WDR7: variants seen among roughly 807,000 people sequenced by gnomAD.
WDR7 encodes WD repeat domain 7.
A neutral mutation model predicts 169.4 loss-of-function variants in WDR7; 46 were observed. That is an observed-to-expected ratio of 0.27 (90% CI 0.21 to 0.35). The LOEUF is 0.35. WDR7 is among the 10% of genes least tolerant of loss of function. The pLI is 1.00. For missense variants in WDR7, 1,534 were observed against 1,859.3 expected (o/e 0.83, Z 3.22); for synonymous variants, 612 against 666.8 (o/e 0.92, Z 1.27).
At chr18:56,730,137 T>C (rs916000137) in intron 13 of WDR7, among the ~76,000 whole-genome samples, 2 of 152,240 alleles carry the variant, frequency 1.3e-5, no homozygotes, top group Non-Finnish European at 2.9e-5. Flanking sequence ...CTGGGCACTG[T>C]TCAGTGTACC....
intron 16 of WDR7, among the ~76,000 whole-genome samples, chr18:56,762,722 A>C (rs867227334): frequency 6.6e-6 from 1 of 152,066 alleles, no homozygotes; most frequent in African/African-American, 2.4e-5. Flanking sequence ...TATCCTTTCT[A>C]GTGCATATTT....
intron 20 of WDR7, among the ~76,000 whole-genome samples, chr18:56,864,702 A>G: frequency 6.6e-6 from 1 of 151,886 alleles, no homozygotes; most frequent in Middle Eastern, 3.2e-3. Flanking sequence ...AGGGTCCATT[A>G]TAGTAGATAT....
chr18:56,743,505 A>G (rs916040708), intron 14 of WDR7, among the ~76,000 whole-genome samples: 2 of 152,158 alleles, frequency 1.3e-5, no homozygotes, highest in African/African-American at 4.8e-5. Flanking sequence ...CAGAGTAGAG[A>G]GTAATCACTT....
At chr18:56,859,626 C>T (rs2045774116) in intron 20 of WDR7, among the ~76,000 whole-genome samples, 1 of 152,124 alleles carries the variant, frequency 6.6e-6, no homozygotes, top group Admixed American at 6.6e-5. Flanking sequence ...TGCCTTCCCA[C>T]CCATTTTGAA....
intron 9 of WDR7, among the ~76,000 whole-genome samples, chr18:56,693,931 G>A (rs1011826808): frequency 1.4e-4 from 22 of 151,938 alleles, no homozygotes; most frequent in Admixed American, 9.2e-4. Context: ...GTGCAGTAGC[G>A]AAATGATAGT....
At chr18:56,826,160 A>G (rs1433392643) in intron 20 of WDR7, among the ~76,000 whole-genome samples, 1 of 152,226 alleles carries the variant, frequency 6.6e-6, no homozygotes, top group Non-Finnish European at 1.5e-5. Flanking sequence ...ATAATAACTC[A>G]TGGATAAGGG....
At chr18:56,978,119 G>A (rs2047593182) in intron 26 of WDR7, among the ~76,000 whole-genome samples, 2 of 152,184 alleles carry the variant, frequency 1.3e-5, no homozygotes, top group South Asian at 2.1e-4. Context: ...GTAGTGGTAT[G>A]AATGCAAAAT....
chr18:56,662,760 A>T (rs1348481916), intron 1 of WDR7, among the ~76,000 whole-genome samples: 2 of 152,222 alleles, frequency 1.3e-5, no homozygotes, highest in African/African-American at 4.8e-5. Flanking sequence ...ATCAGAAAGG[A>T]ACAAGTTAAA....
At chr18:56,836,021 A>G (rs2045390499) in intron 20 of WDR7, among the ~76,000 whole-genome samples, 1 of 152,166 alleles carries the variant, frequency 6.6e-6, no homozygotes, top group Admixed American at 6.5e-5. Flanking sequence ...TTAAAGCTTT[A>G]TGAGTTTAGT....
chr18:56,690,157 A>G (rs1359559832), intron 7 of WDR7, among the ~76,000 whole-genome samples: 1 of 152,220 alleles, frequency 6.6e-6, no homozygotes, highest in African/African-American at 2.4e-5. Context: ...CAGAGTTTTT[A>G]GCTTTGGCTC....
intron 26 of WDR7, among the ~76,000 whole-genome samples, chr18:56,998,653 A>G (rs2047932539): frequency 6.6e-6 from 1 of 152,250 alleles, no homozygotes; most frequent in Non-Finnish European, 1.5e-5. Context: ...ATCAAATGAT[A>G]CAATAACTGT....
rs771233505 is a variant in WDR7, at chr18:56,694,649, T to C, written c.997T>C (p.Phe333Leu). The change falls in exon 10 of 28, where the codon TTC (phenylalanine) becomes CTC (leucine). Residue 333 changes from phenylalanine to leucine, a missense_variant. Phe to Leu is a conservative substitution (Grantham distance 22). Coordinates refer to ENST00000254442, the MANE Select transcript of WDR7 (RefSeq NM_015285.3). Reference sequence around the variant, plus strand: ...AATTTGTCCTCCTGTTACTCGGTTCTTCTATGGATGCAGAGAATATTTCCA... The same window carrying C: ...AATTTGTCCTCCTGTTACTCGGTTCCTCTATGGATGCAGAGAATATTTCCA... ...LLICPPVTRF[F>L]YGCREYFHKL... is the part of the protein sequence containing the mutation. 6.2e-7 allele frequency: 1 copy of C among 1,612,194 alleles called. No homozygotes were observed. Among genetic ancestry groups the C allele is most frequent in the Non-Finnish European group, 8.5e-7 (1 of 1,179,070 alleles).
chr18:56,657,514 C>G (rs1270551042), intron 1 of WDR7, among the ~76,000 whole-genome samples: 3 of 152,112 alleles, frequency 2.0e-5, no homozygotes, highest in Non-Finnish European at 4.4e-5. Context: ...AATTCATGCA[C>G]TTTTTGAAGA....
chr18:56,929,231 G>A (rs7245303), intron 22 of WDR7, among the ~76,000 whole-genome samples: 2 of 151,820 alleles, frequency 1.3e-5, no homozygotes, highest in Non-Finnish European at 2.9e-5. Flanking sequence ...AGCTATGATC[G>A]TACCACTGTA....
intron 20 of WDR7, among the ~76,000 whole-genome samples, chr18:56,845,512 C>T (rs1437538359): frequency 1.3e-5 from 2 of 151,938 alleles, no homozygotes; most frequent in Admixed American, 6.6e-5. Flanking sequence ...AGAAATACAG[C>T]GTTTTTCATG....
chr18:57,028,236 A>C lies in WDR7; in HGVS notation c.*1029A>C, dbSNP rs2048396236. 1 of 152,244 alleles carries C rather than the reference A, an allele frequency of 6.6e-6. No homozygotes were observed. Among genetic ancestry groups the C allele is most frequent in the Admixed American group, 6.5e-5 (1 of 15,292 alleles). The allele number at this position is 152,244 out of a possible 1,614,324, so 9.4% of individuals were successfully genotyped here. On this transcript the variant is annotated 3_prime_UTR_variant, in exon 28 of 28. Transcript: ENST00000254442. ...AGCTAATAAGGTATTTCTTTTAAAC[A>C]AGTATTCTGGAAAAGTAATAACTAT...
rs1474160519 is a variant in WDR7 at position 57,027,084 on chromosome 18, C to T, written c.4350C>T (p.Pro1450=). The T allele has an allele frequency of 6.2e-7, 1 of 1,614,066 alleles. No individual in the cohort carries two copies. Among genetic ancestry groups the T allele is most frequent in the African/African-American group, 1.3e-5 (1 of 74,918 alleles). ...GCTGCATTAAAACCTACCAGGTGCC[C>T]CCTGTGCAGCCCGCGTCCCCCGGCT... The part of the protein sequence containing the change: ...QLRCIKTYQV[P]PVQPASPGSH... Residue 1450 remains proline (P), a synonymous_variant, in exon 28 of 28, where the codon CCC becomes CCT. Coordinates refer to ENST00000254442, the MANE Select transcript of WDR7 (RefSeq NM_015285.3).
chr18:56,700,533 G>C (rs1355230861), intron 12 of WDR7, among the ~76,000 whole-genome samples: 2 of 143,190 alleles, frequency 1.4e-5, no homozygotes, highest in Non-Finnish European at 3.0e-5. Flanking sequence ...GGGATTACAG[G>C]TGTGAGCCAC....
intron 19 of WDR7, among the ~76,000 whole-genome samples, chr18:56,802,523 A>ATTTT (rs34077855): frequency 2.5e-4 from 33 of 132,418 alleles, no homozygotes; most frequent in Non-Finnish European, 3.3e-4. Context: ...ACACCGGCTA[A>ATTTT]TTTTTTTTTT....
Sources: gnomAD v4.1 joint callset for allele counts (sites outside exome capture counted in the v4.1 genomes callset) on GRCh38, gnomAD v4.1.1 for gene constraint, MANE v1.5 for transcripts, NCBI Gene and HGNC (gene_info 2026-07-23, HGNC 2026-07-21) for gene names.